Variants in DPP6 observed in about 807,000 individuals in gnomAD.
DPP6 encodes the protein A-type potassium channel modulatory protein DPP6.
Under a neutral mutation model 122.6 loss-of-function variants are expected in DPP6, and 69 were observed. That is an observed-to-expected ratio of 0.56 (90% CI 0.46 to 0.69). The LOEUF (loss-of-function observed/expected upper bound fraction) is 0.69, where lower values mean the gene tolerates loss of function less well. Ranked by LOEUF, DPP6 falls within the 30% of genes least tolerant of loss-of-function variation. DPP6 has a pLI of 0.00. For synonymous variants in DPP6, 418 were observed against 433.1 expected (o/e 0.97, Z 0.43); for missense variants, 928 against 1,116.9 (o/e 0.83, Z 2.41).
chr7:154,882,585 A>G (rs753759614), intron 21 of DPP6, among the ~76,000 whole-genome samples: 1 of 152,114 alleles, frequency 6.6e-6, no homozygotes, highest in African/African-American at 2.4e-5. Flanking sequence ...CACAGAGCCC[A>G]GGGGAGCAGC....
At chr7:154,264,901 G>T (rs1275172502) in intron 1 of DPP6, among the ~76,000 whole-genome samples, 1 of 151,104 alleles carries the variant, frequency 6.6e-6, no homozygotes, top group African/African-American at 2.4e-5. Context: ...TGATGATAAT[G>T]ATAGTGATAG....
chr7:154,644,316 G>A (rs2130955068), intron 6 of DPP6, among the ~76,000 whole-genome samples: 1 of 152,340 alleles, frequency 6.6e-6, no homozygotes, highest in South Asian at 2.1e-4. Context: ...GTGATTATGA[G>A]TAGCTGGTGT....
intron 16 of DPP6, among the ~76,000 whole-genome samples, chr7:154,807,913 C>T (rs1040560187): frequency 1.3e-5 from 2 of 152,102 alleles, no homozygotes; most frequent in African/African-American, 4.8e-5. Flanking sequence ...ATAATTTATC[C>T]CAAACTGCAA....
intron 18 of DPP6, among the ~76,000 whole-genome samples, chr7:154,868,684 G>T (rs1312327172): frequency 6.6e-6 from 1 of 152,204 alleles, no homozygotes; most frequent in East Asian, 1.9e-4. Flanking sequence ...AGCTGGACCT[G>T]GACTCACAGC....
At chr7:154,812,835 A>G (rs1233237292) in intron 16 of DPP6, among the ~76,000 whole-genome samples, 6 of 152,082 alleles carry the variant, frequency 3.9e-5, no homozygotes. Flanking sequence ...TTTCTTCCAC[A>G]GTGTATTTTG....
chr7:154,720,885 G>A (rs1295317789), intron 7 of DPP6, among the ~76,000 whole-genome samples: 1 of 152,250 alleles, frequency 6.6e-6, no homozygotes, highest in African/African-American at 2.4e-5. Flanking sequence ...CCGGGCAGCT[G>A]ACGACAAAAC....
At chr7:153,949,081 G>T (rs75070553) in intron 1 of DPP6, among the ~76,000 whole-genome samples, 6,205 of 152,300 alleles carry the variant, frequency 0.041, 177 homozygotes, top group Non-Finnish European at 0.059. Context: ...ATGACACAGT[G>T]CGGTCCTGAG....
intron 1 of DPP6, among the ~76,000 whole-genome samples, chr7:154,177,637 T>C (rs968817159): frequency 9.9e-5 from 15 of 152,182 alleles, no homozygotes; most frequent in African/African-American, 3.6e-4. Context: ...AGTATTTTGT[T>C]CCTTTACGCA....
chr7:154,177,960 G>A (rs1797887730), intron 1 of DPP6, among the ~76,000 whole-genome samples: 1 of 152,134 alleles, frequency 6.6e-6, no homozygotes, highest in Admixed American at 6.5e-5. Flanking sequence ...GGTGAGGCAG[G>A]AACATTGTGG....
At chr7:154,242,989 T>A (rs1367497486) in intron 1 of DPP6, among the ~76,000 whole-genome samples, 1 of 152,090 alleles carries the variant, frequency 6.6e-6, no homozygotes, top group Non-Finnish European at 1.5e-5. Flanking sequence ...AGTTGAAACC[T>A]CAGAAAGTCC....
chr7:153,944,993 A>G (rs116017458), intron 1 of DPP6, among the ~76,000 whole-genome samples: 1 of 152,212 alleles, frequency 6.6e-6, no homozygotes, highest in African/African-American at 2.4e-5. Context: ...TGCTGGGAGC[A>G]CCGCTGTGCT....
At chr7:154,212,340 TAA>T (rs1487510018) in intron 1 of DPP6, among the ~76,000 whole-genome samples, 5 of 152,106 alleles carry the variant, frequency 3.3e-5, no homozygotes, top group African/African-American at 1.2e-4. Flanking sequence ...CCTAAGAAAA[TAA>T]AGACATCTAG....
In DPP6 at chr7:153,909,344, C is replaced by T. The variant is rs183781807; in HGVS notation, c.51+21610C>T. Among the ~76,000 whole-genome samples, 476 of 152,196 alleles carry T rather than the reference C, an allele frequency of 3.1e-3. 3 individuals carry two copies. The highest frequency in any genetic ancestry group is 2.0e-3 in the Non-Finnish European group (136 of 68,010). On this transcript the variant is annotated intron_variant, in intron 1 of 25. Coordinates refer to the DPP6 transcript ENST00000404039. ...GGCATTGTTGTAGAGCAGAGCCACG[C>T]CCTTCCATTCCAGAGCACTTGGAGC...
At chr7:153,918,334 T>A (rs1800416126) in intron 1 of DPP6, among the ~76,000 whole-genome samples, 1 of 152,178 alleles carries the variant, frequency 6.6e-6, no homozygotes, top group African/African-American at 2.4e-5. Context: ...TTTATAGACC[T>A]TTTTCAGTTG....
At chr7:154,017,322 A>G (rs1412450753) in intron 1 of DPP6, among the ~76,000 whole-genome samples, 1 of 151,938 alleles carries the variant, frequency 6.6e-6, no homozygotes, top group East Asian at 1.9e-4. Flanking sequence ...TCCCTCCTCG[A>G]CCTCCCAAAG....
chr7:154,881,963 C>A (rs567612712), intron 21 of DPP6, among the ~76,000 whole-genome samples: 1 of 152,330 alleles, frequency 6.6e-6, no homozygotes, highest in Non-Finnish European at 1.5e-5. Context: ...TGTCAATAGC[C>A]ATCACCTCTC....
chr7:153,847,976 A>G, the DPP6 span, among the ~76,000 whole-genome samples: 1 of 152,142 alleles, frequency 6.6e-6, no homozygotes, highest in Admixed American at 6.5e-5. Context: ...CTTTCTCAGT[A>G]GCTGCCTGCC....
chr7:154,622,392 G>A (rs1354637299), intron 5 of DPP6, among the ~76,000 whole-genome samples: 1 of 152,184 alleles, frequency 6.6e-6, no homozygotes, highest in Non-Finnish European at 1.5e-5. Flanking sequence ...GCTTGCTCCT[G>A]TTTACCTGTA....
At chr7:154,276,230 A>T (rs75797768) in intron 1 of DPP6, among the ~76,000 whole-genome samples, 5,841 of 152,294 alleles carry the variant, frequency 0.038, 209 homozygotes, top group East Asian at 0.16. Flanking sequence ...TTAGAAAAAA[A>T]GCCACTTTGA....
Sources: gnomAD v4.1 joint callset for allele counts (sites outside exome capture counted in the v4.1 genomes callset) on GRCh38, gnomAD v4.1.1 for gene constraint, MANE v1.5 for transcripts, NCBI Gene and HGNC (gene_info 2026-07-23, HGNC 2026-07-21) for gene names.